The following GK5 variants were observed in gnomAD, a reference collection of about 807,000 sequenced individuals.
GK5 encodes glycerol kinase 5.
A neutral mutation model predicts 77.3 loss-of-function variants in GK5; 39 were observed. The observed-to-expected ratio is 0.50, with a 90% CI of 0.39 to 0.66. The LOEUF (loss-of-function observed/expected upper bound fraction) is 0.66. Ranked by LOEUF, GK5 falls within the 30% of genes least tolerant of loss-of-function variation. The pLI, the probability that GK5 is intolerant of heterozygous loss-of-function variation, is 0.00. For missense variants in GK5, 487 were observed against 633.8 expected, an observed-to-expected ratio of 0.77 and a Z score of 2.49; for synonymous variants, 211 against 208.0, an observed-to-expected ratio of 1.01 and a Z score of -0.13.
chr3:142,184,805 G>C, intron 9 of GK5: 1 of 940,226 alleles, frequency 1.1e-6, no homozygotes, highest in Non-Finnish European at 1.3e-6. Flanking sequence ...TCATGCCATT[G>C]CACTCCAGTC....
intron 4 of GK5, among the ~76,000 whole-genome samples, chr3:142,200,096 T>TACACAC (rs1403221930): frequency 6.1e-4 from 90 of 147,752 alleles, no homozygotes; most frequent in African/African-American, 2.3e-3. Context: ...TCTATATATA[T>TACACAC]ATACACACAC....
chr3:142,224,517 G>A (rs1346606339), intron 1 of GK5, among the ~76,000 whole-genome samples: 2 of 152,198 alleles, frequency 1.3e-5, no homozygotes, highest in African/African-American at 2.4e-5. Flanking sequence ...GAGAACAGAA[G>A]GATATCAATT....
At chr3:142,191,745 C>T (rs1020793188) in intron 5 of GK5, among the ~76,000 whole-genome samples, 3 of 152,112 alleles carry the variant, frequency 2.0e-5, no homozygotes, top group Non-Finnish European at 4.4e-5. Context: ...TCACTTGAAC[C>T]CAGGAAGTAG....
At chr3:142,209,083 A>C (rs1175911221) in intron 3 of GK5, among the ~76,000 whole-genome samples, 1 of 151,964 alleles carries the variant, frequency 6.6e-6, no homozygotes, top group East Asian at 1.9e-4. Context: ...CGGGAGGCAG[A>C]GCTTGCAGTG....
At chr3:142,220,909 T>C (rs1560241019) in intron 1 of GK5, among the ~76,000 whole-genome samples, 1 of 152,126 alleles carries the variant, frequency 6.6e-6, no homozygotes, top group Non-Finnish European at 1.5e-5. Flanking sequence ...ATTCCTTTCC[T>C]CCAGCCAGAT....
intron 9 of GK5, 26 bp from the exon 10 acceptor site, chr3:142,183,075 C>T (rs1321152686): frequency 6.2e-7 from 1 of 1,611,068 alleles, no homozygotes; most frequent in African/African-American, 1.3e-5. Context: ...AAATGTAAAC[C>T]CATTGCCCTT....
At chr3:142,212,824 A>ATTTTCTTTTTTTTTTTCTTTTTT (rs144621759) in intron 3 of GK5, among the ~76,000 whole-genome samples, 1 of 129,942 alleles carries the variant, frequency 7.7e-6, no homozygotes, top group Non-Finnish European at 1.6e-5. Flanking sequence ...ATAGACAAAT[A>ATTTTCTTTTTTTTTTTCTTTTTT]TTTTCTTTTT....
intron 5 of GK5, 37 bp downstream of exon 5, chr3:142,198,763 TAC>T: frequency 1.3e-6 from 2 of 1,553,996 alleles, no homozygotes; most frequent in Non-Finnish European, 1.7e-6. Flanking sequence ...GGTTTCCACA[TAC>T]ACACATATTT....
intron 12 of GK5, 37 bp from the exon 13 acceptor site, chr3:142,172,493 T>C: frequency 8.7e-7 from 1 of 1,155,232 alleles, no homozygotes; most frequent in Admixed American, 1.8e-5. Flanking sequence ...TTATTATTAT[T>C]CTAAATTACA....
intron 11 of GK5, among the ~76,000 whole-genome samples, chr3:142,179,891 T>C (rs2107772339): frequency 6.6e-6 from 1 of 152,318 alleles, no homozygotes; most frequent in African/African-American, 2.4e-5. Context: ...CTGATATTCC[T>C]GGCCTAGACT....
At chr3:142,199,002 T>C (rs2063977877) in intron 4 of GK5, 69 bp from the exon 5 acceptor site, 7 of 1,146,744 alleles carry the variant, frequency 6.1e-6, no homozygotes, top group Non-Finnish European at 7.4e-6. Flanking sequence ...ATCAATTCTA[T>C]ATACATGCAA....
Position 142,181,499 on chromosome 3 carries a change from C to T in GK5, c.1010G>A (p.Gly337Glu). 6.2e-7 allele frequency: 1 copy of T among 1,613,388 alleles called. No individual in the cohort carries two copies. Among genetic ancestry groups the T allele is most frequent in the Non-Finnish European group, 8.5e-7 (1 of 1,179,490 alleles). ...EVVCLAESNA[G>E]DTGTAIKWAQ... ...CCATTTTATGGCAGTACCAGTGTCT[C>T]CTGCATTGCTTTCAGCTAAGCATAC... Residue 337 changes from glycine (G) to glutamate (E), a missense_variant, in exon 11 of 16, where the codon GGA becomes GAA. Gly to Glu is a moderately conservative substitution (Grantham distance 98). Coordinates refer to ENST00000392993, the MANE Select transcript of GK5 (RefSeq NM_001039547.3).
chr3:142,220,325 C>T (rs1412551430), intron 1 of GK5, among the ~76,000 whole-genome samples: 2 of 152,010 alleles, frequency 1.3e-5, no homozygotes, highest in African/African-American at 2.4e-5. Flanking sequence ...TTAGTAGAGA[C>T]GGGGTTTCAC....
chr3:142,181,448 A>G lies in GK5; in HGVS notation c.1048+13T>C. ...AGGTCTGGCTTGTGAAATCCATTTA[A>G]AAGACAACTTACCTAACTGCTGAGC... On this transcript the variant is annotated intron_variant, in intron 11 of 15. Transcript: ENST00000392993. 1 of 1,546,200 alleles carries G rather than the reference A, an allele frequency of 6.5e-7. No individual in the cohort carries two copies. Among genetic ancestry groups the G allele is most frequent in the Non-Finnish European group, 8.9e-7 (1 of 1,126,406 alleles).
intron 4 of GK5, among the ~76,000 whole-genome samples, chr3:142,203,513 G>A (rs2107790699): frequency 6.6e-6 from 1 of 152,316 alleles, no homozygotes; most frequent in South Asian, 2.1e-4. Context: ...GATGACTGAC[G>A]CCTGTAATCC....
rs764131628 is a variant in GK5 at position 142,181,582 on chromosome 3, C to T, written c.944-17G>A. On this transcript the variant is annotated splice_polypyrimidine_tract_variant and intron_variant, in intron 10 of 15. Transcript: ENST00000392993. ...GATAAAAGCCTTGCAAAACAAACAACGAATGTTAAGTCAAATATATGCATA... is the reference window on the plus strand; with the variant it reads ...GATAAAAGCCTTGCAAAACAAACAATGAATGTTAAGTCAAATATATGCATA... The T allele has an allele frequency of 3.3e-6, 5 of 1,529,696 alleles. No individual in the cohort carries two copies. Among genetic ancestry groups the T allele is most frequent in the Admixed American group, 1.7e-5 (1 of 58,500 alleles). The allele number at this position is 1,529,696 out of a possible 1,614,324, so 94.8% of individuals were successfully genotyped here.
chr3:142,169,274 T>G (rs560009431), intron 15 of GK5, among the ~76,000 whole-genome samples: 1 of 152,356 alleles, frequency 6.6e-6, no homozygotes, highest in East Asian at 1.9e-4. Flanking sequence ...CTTTTCCAAC[T>G]AGGCCTCAAG....
chr3:142,201,820 C>T (rs2064029577), intron 4 of GK5, among the ~76,000 whole-genome samples: 1 of 152,130 alleles, frequency 6.6e-6, no homozygotes, highest in African/African-American at 2.4e-5. Flanking sequence ...CTTACAACTG[C>T]ATGTGAATCT....
At chr3:142,168,058 T>C (rs960374763) in intron 15 of GK5, among the ~76,000 whole-genome samples, 7 of 152,180 alleles carry the variant, frequency 4.6e-5, no homozygotes, top group African/African-American at 4.8e-5. Context: ...CTGCATGTGT[T>C]TGTTACTTAA....
Sources: gnomAD v4.1 joint callset for allele counts (sites outside exome capture counted in the v4.1 genomes callset) on GRCh38, gnomAD v4.1.1 for gene constraint, MANE v1.5 for transcripts, NCBI Gene and HGNC (gene_info 2026-07-23, HGNC 2026-07-21) for gene names.